The following PSMA4 variants were observed in gnomAD, a reference collection of about 807,000 sequenced individuals.
The protein encoded by PSMA4 is proteasome 20S subunit alpha 4.
Under a neutral mutation model 37.2 loss-of-function variants are expected in PSMA4, and 8 were observed. That is an observed-to-expected ratio of 0.22 (90% confidence interval 0.13 to 0.39). PSMA4 has a LOEUF of 0.39. Ranked by LOEUF, PSMA4 falls within the 10% of genes least tolerant of loss-of-function variation. The probability of loss-of-function intolerance (pLI) is 1.00; values close to 1 mark genes in which losing one functional copy is unlikely to be tolerated. For missense variants in PSMA4, 169 were observed against 305.1 expected (o/e 0.55, Z 3.32); for synonymous variants, 93 against 98.8 (o/e 0.94, Z 0.35).
chr15:78,549,126 C>A lies in PSMA4; in HGVS notation c.*182C>A. 1.1e-6 allele frequency: 1 copy of A among 923,446 alleles called. No individual in the cohort carries two copies. The highest frequency in any genetic ancestry group is 1.4e-6 in the Non-Finnish European group (1 of 705,544). 57.2% of individuals were successfully genotyped at this position (923,446 alleles called of 1,614,324 possible). On this transcript the variant is annotated 3_prime_UTR_variant, in exon 9 of 9. Coordinates refer to ENST00000044462, the MANE Select transcript of PSMA4 (RefSeq NM_002789.6). ...ACTTTATTGTAACGATGATGGTTAC[C>A]CTTCATGGACGTCTTAATCTTCCAC...
rs1342096865 is a variant in PSMA4 at position 78,550,637 on chromosome 15, G to A, written c.*1693G>A. On this transcript the variant is annotated 3_prime_UTR_variant, in exon 9 of 9. Transcript: ENST00000044462. ...CTCTTGTGCTTAGGAACATTAAACAGCACTTCAGCACTATACCTGGGTGCC... is the reference window on the plus strand; with the variant it reads ...CTCTTGTGCTTAGGAACATTAAACAACACTTCAGCACTATACCTGGGTGCC... 2.0e-5 allele frequency: 3 copies of A among 152,162 alleles called. No individual in the cohort carries two copies. The highest frequency in any genetic ancestry group is 4.8e-5 in the African/African-American group (2 of 41,428). The allele number at this position is 152,162 out of a possible 1,614,324, so 9.4% of individuals were successfully genotyped here.
chr15:78,540,686 G>A (rs963902729), intron 1 of PSMA4, 147 bp downstream of exon 1: 1 of 152,208 alleles, frequency 6.6e-6, no homozygotes, highest in Non-Finnish European at 1.5e-5. Flanking sequence ...CCTCTGTGAC[G>A]GACCGACCGC....
At position 78,545,783 on chromosome 15, in the gene PSMA4, C is replaced by CAGAATG. The variant is rs772963517; in HGVS notation, c.507+19_507+20insAGAATG. On this transcript the variant is annotated intron_variant, in intron 7 of 8. Transcript: ENST00000044462. ...TAGCGCTGTGAGTATTTTTGTTGTG[C>CAGAATG]TATAAAATCTAGCAGAATGTCTAAT... The CAGAATG allele has an allele frequency of 3.1e-6, 5 of 1,611,574 alleles. No homozygotes were observed. Among genetic ancestry groups the CAGAATG allele is most frequent in the Non-Finnish European group, 3.4e-6 (4 of 1,178,232 alleles).
chr15:78,544,664 T>TG (rs1385797800), intron 5 of PSMA4: 1 of 491,516 alleles, frequency 2.0e-6, no homozygotes, highest in Non-Finnish European at 3.6e-6. Flanking sequence ...ATCTTTGAAT[T>TG]GAAAATTACA....
At chr15:78,545,384 C>T (rs1030662168) in intron 6 of PSMA4, among the ~76,000 whole-genome samples, 1 of 152,192 alleles carries the variant, frequency 6.6e-6, no homozygotes, top group South Asian at 2.1e-4. Flanking sequence ...AATCTGGAAA[C>T]TAACTGCTGT....
chr15:78,544,319 C>CTTTT, intron 5 of PSMA4, 52 bp downstream of exon 5: 19 of 1,077,048 alleles, frequency 1.8e-5, no homozygotes, highest in East Asian at 8.6e-5. Context: ...TTTGATGTTT[C>CTTTT]TTTTTTTTTT....
intron 1 of PSMA4, chr15:78,541,316 A>G (rs1422359376): frequency 1.3e-5 from 2 of 155,234 alleles, no homozygotes; most frequent in Non-Finnish European, 2.9e-5. Flanking sequence ...GGTGCCCAAG[A>G]TAACTGCCTC....
chr15:78,543,460 C>T (rs998215608), intron 4 of PSMA4, among the ~76,000 whole-genome samples: 1 of 151,994 alleles, frequency 6.6e-6, no homozygotes. Flanking sequence ...TAGCCCTGTA[C>T]TTCCTAAGCA....
intron 7 of PSMA4, 34 bp from the exon 8 acceptor site, chr15:78,546,541 A>C (rs756865266): frequency 2.6e-6 from 4 of 1,548,788 alleles, no homozygotes; most frequent in Non-Finnish European, 3.5e-6. Flanking sequence ...AAAATGTAAA[A>C]ACTTAAAATT....
chr15:78,549,059 T>A lies in PSMA4; in HGVS notation c.*115T>A, dbSNP rs888108008. 2.6e-5 allele frequency: 36 copies of A among 1,377,456 alleles called. No homozygotes were observed. Among genetic ancestry groups the A allele is most frequent in the Non-Finnish European group, 3.3e-5 (35 of 1,056,970 alleles). 85.3% of individuals were successfully genotyped at this position (1,377,456 alleles called of 1,614,324 possible). A position where few individuals can be genotyped will look rare whatever the true frequency, so the allele number is the denominator to read the frequency against. On this transcript the variant is annotated 3_prime_UTR_variant, in exon 9 of 9. Transcript: ENST00000044462. ...CTGGTGCAGTGGGAAAATAGGACAT[T>A]ACATACTGAATTGGGTCCTTGTCAT...
intron 7 of PSMA4, 120 bp from the exon 8 acceptor site, chr15:78,546,448 CAAAAAAA>C: frequency 1.5e-6 from 1 of 656,520 alleles, no homozygotes; most frequent in South Asian, 2.3e-5. Context: ...GCCCCTGTGT[CAAAAAAA>C]AAAAAAAAAT....
At chr15:78,544,449 G>A (rs1243584575) in intron 5 of PSMA4, 182 bp downstream of exon 5, 2 of 526,054 alleles carry the variant, frequency 3.8e-6, no homozygotes, top group Non-Finnish European at 6.7e-6. Context: ...CCAAGTAGCT[G>A]ACCACCACAC....
chr15:78,548,738 T>G, intron 8 of PSMA4, 52 bp from the exon 9 acceptor site: 1 of 1,570,380 alleles, frequency 6.4e-7, no homozygotes, highest in South Asian at 1.2e-5. Context: ...GCTTCTCTGC[T>G]AAGTATGCCT....
intron 8 of PSMA4, among the ~76,000 whole-genome samples, chr15:78,546,955 G>A (rs1252835644): frequency 1.3e-5 from 2 of 152,002 alleles, no homozygotes; most frequent in Non-Finnish European, 2.9e-5. Context: ...TAGTAGAGAC[G>A]GGGTTTCACC....
chr15:78,545,916 T>C (rs1052008405), intron 7 of PSMA4, 152 bp downstream of exon 7: 2 of 854,458 alleles, frequency 2.3e-6, no homozygotes, highest in South Asian at 3.4e-5. Flanking sequence ...GTGACAGCAT[T>C]GCTGATATAG....
intron 8 of PSMA4, among the ~76,000 whole-genome samples, chr15:78,548,519 G>A (rs2052596143): frequency 1.3e-5 from 2 of 152,192 alleles, no homozygotes; most frequent in South Asian, 4.1e-4. Flanking sequence ...ATAGCAGGCC[G>A]GCAATAGCAA....
chr15:78,551,200 C>T lies in PSMA4; in HGVS notation c.*2256C>T, dbSNP rs980872144. The T allele has an allele frequency of 2.0e-5, 3 of 152,226 alleles. No homozygotes were observed. The highest frequency in any genetic ancestry group is 7.2e-5 in the African/African-American group (3 of 41,456). 9.4% of individuals were successfully genotyped at this position (152,226 alleles called of 1,614,324 possible). ...TCCTTTCAAAATGTAAACGGTACTA[C>T]TGCACAGTTTTGGCTCAAAACCCTC... On this transcript the variant is annotated 3_prime_UTR_variant, in exon 9 of 9. Coordinates refer to ENST00000044462, the MANE Select transcript of PSMA4 (RefSeq NM_002789.6).
At chr15:78,540,966 TCCTCCCTGCTTCTCTGCTCTGTGC>T (rs2052439509) in intron 1 of PSMA4, 1 of 152,338 alleles carries the variant, frequency 6.6e-6, no homozygotes, top group African/African-American at 2.4e-5. Context: ...TGTCTCTGTG[TCCTCCCTGCTTCTCTGCTCTGTGC>T]CATCCTTACT....
intron 2 of PSMA4, 29 bp downstream of exon 2, chr15:78,541,959 T>C: frequency 6.3e-7 from 1 of 1,592,166 alleles, no homozygotes; most frequent in African/African-American, 1.4e-5. Context: ...CAATAAACGG[T>C]TGCCTGATAA....
Sources: allele counts gnomAD v4.1 joint callset (sites outside exome capture counted in the v4.1 genomes callset), GRCh38; gene constraint gnomAD v4.1.1; transcripts MANE v1.5; gene names NCBI Gene and HGNC (gene_info 2026-07-23, HGNC 2026-07-21).